Variants in TMEM225B observed in about 807,000 individuals in gnomAD.
The protein encoded by TMEM225B is transmembrane protein 225B.
A neutral mutation model predicts 16.9 loss-of-function variants in TMEM225B; 10 were observed. The ratio of observed to expected loss-of-function variants is 0.59; its 90% CI spans 0.36 to 1.00. The LOEUF (loss-of-function observed/expected upper bound fraction) is 1.00, where lower values mean the gene tolerates loss of function less well. Among genes scored for constraint, TMEM225B ranks in the 50% least tolerant of loss-of-function variants. The pLI is 0.01. For synonymous variants in TMEM225B, 92 were observed against 109.8 expected (o/e 0.84, Z 1.01); for missense variants, 217 against 267.0 (o/e 0.81, Z 1.30).
At chr7:99,608,947 A>C (rs1806100329) in intron 5 of TMEM225B, among the ~76,000 whole-genome samples, 1 of 151,518 alleles carries the variant, frequency 6.6e-6, no homozygotes, top group Admixed American at 6.6e-5. Flanking sequence ...CAGGTGGACC[A>C]CCTGAGGTTA....
At position 99,604,251 on chromosome 7, in the gene TMEM225B, A is replaced by T. The variant is rs1805602922; in HGVS notation, c.-3-135A>T. The stretch of plus-strand genomic sequence containing the variant: ...TATAGGCTGTAAAGTTAAGCAAAGA[A>T]ATCATCATTTACTGAGTTTCACATA... On this transcript the variant is annotated intron_variant, in intron 2 of 5. Coordinates refer to ENST00000431679, the MANE Select transcript of TMEM225B (RefSeq NM_001195541.3). The T allele has an allele frequency of 4.2e-5, 27 of 638,868 alleles. 1 individual carries two copies. In the South Asian group the frequency reaches 5.1e-4, roughly 12 times the overall value. 39.6% of individuals were successfully genotyped at this position (638,868 alleles called of 1,614,324 possible). A position where few individuals can be genotyped will look rare whatever the true frequency, so the allele number is the denominator to read the frequency against.
At chr7:99,604,270 T>C in intron 2 of TMEM225B, 116 bp from the exon 3 acceptor site, 1 of 675,090 alleles carries the variant, frequency 1.5e-6, no homozygotes, top group Admixed American at 2.5e-5. Context: ...TTACTGAGTT[T>C]CACATATGCG....
chr7:99,604,474 T>C lies in TMEM225B; in HGVS notation c.86T>C (p.Leu29Pro). 5.2e-6 allele frequency: 8 copies of C among 1,536,002 alleles called. No homozygotes were observed. Among genetic ancestry groups the C allele is most frequent in the Non-Finnish European group, 7.0e-6 (8 of 1,146,778 alleles). Residue 29 changes from leucine to proline, a missense_variant, in exon 3 of 6, where the codon CTG becomes CCG. By Grantham distance (98) the Leu-to-Pro change is moderately conservative. Transcript: ENST00000431679. ...ALTSLGYLII[L>P]VVSIFPFWVR... is the part of the protein sequence containing the mutation. ...ACCTCCCTAGGCTACCTGATTATAC[T>C]GGTGGTCTCCATCTTTCCCTTCTGG...
At chr7:99,605,579 C>A (rs1043965523) in intron 3 of TMEM225B, 1 of 151,864 alleles carries the variant, frequency 6.6e-6, no homozygotes, top group Non-Finnish European at 1.5e-5. Context: ...CAGGTGCGCA[C>A]CACAGCTCCC....
intron 3 of TMEM225B, among the ~76,000 whole-genome samples, chr7:99,606,302 C>T (rs2151211001): frequency 6.6e-6 from 1 of 152,130 alleles, no homozygotes; most frequent in Non-Finnish European, 1.5e-5. Context: ...TTCTACAAAA[C>T]ATAAAAATAA....
chr7:99,599,125 ATTTTT>A (rs769617190), intron 1 of TMEM225B, among the ~76,000 whole-genome samples: 2 of 115,498 alleles, frequency 1.7e-5, no homozygotes, highest in African/African-American at 7.2e-5. Flanking sequence ...CGCCTGGCTA[ATTTTT>A]TTTTTTTTTT....
At chr7:99,599,125 ATTTTTTTTTTT>A (rs769617190) in intron 1 of TMEM225B, among the ~76,000 whole-genome samples, 101 of 115,498 alleles carry the variant, frequency 8.7e-4, no homozygotes, top group African/African-American at 3.4e-3. Context: ...CGCCTGGCTA[ATTTTTTTTTTT>A]TTTTTTTTTT....
rs1056693023 is a variant in TMEM225B, at chr7:99,610,626, G to A, written c.*61G>A. On this transcript the variant is annotated 3_prime_UTR_variant, in exon 6 of 6. Coordinates refer to ENST00000431679, the MANE Select transcript of TMEM225B (RefSeq NM_001195541.3). ...TGTGAGTGTACACATGTAGCTGTTT[G>A]TAGTCCTCCCCACCCTCTCTGCCAG... The A allele has an allele frequency of 2.1e-6, 3 of 1,458,680 alleles. No homozygotes were observed. Among genetic ancestry groups the A allele is most frequent in the Non-Finnish European group, 2.8e-6 (3 of 1,081,744 alleles). 90.4% of individuals were successfully genotyped at this position (1,458,680 alleles called of 1,614,324 possible).
chr7:99,607,570 C>A, intron 4 of TMEM225B, 103 bp from the exon 5 acceptor site: 1 of 1,182,648 alleles, frequency 8.5e-7, no homozygotes, highest in Non-Finnish European at 1.2e-6. Flanking sequence ...AGAGAGGGGG[C>A]AAGGATGAAG....
rs536627768 is a variant in TMEM225B at position 99,608,858 on chromosome 7, T to TATATATATATATATAC, written c.493+1049_493+1050insTATATATATATATACA. Among the ~76,000 whole-genome samples, 617 of 144,396 alleles carry TATATATATATATATAC rather than the reference T, an allele frequency of 4.3e-3. 11 individuals are homozygous for TATATATATATATATAC. The highest frequency in any genetic ancestry group is 0.016 in the African/African-American group (569 of 35,624). 94.7% of individuals were successfully genotyped at this position (144,396 alleles called of 152,430 possible). ...GTGCACGTATATATATATATATATA[T>TATATATATATATATAC]ACACACACACATATATGTGTATATA... is the stretch of plus-strand genomic sequence containing the variant. On this transcript the variant is annotated intron_variant, in intron 5 of 5. Transcript: ENST00000431679.
At chr7:99,608,928 A>G (rs1806097986) in intron 5 of TMEM225B, among the ~76,000 whole-genome samples, 2 of 151,022 alleles carry the variant, frequency 1.3e-5, no homozygotes, top group Admixed American at 1.3e-4. Context: ...GCACTTCGGG[A>G]GGCCAAGGCA....
rs1224774353 is a variant in TMEM225B at position 99,606,952 on chromosome 7, A to C, written c.355+58A>C. On this transcript the variant is annotated intron_variant, in intron 4 of 5. Coordinates refer to ENST00000431679, the MANE Select transcript of TMEM225B (RefSeq NM_001195541.3). Reference sequence around the variant, plus strand: ...CTAGGGCCTGGGGAGGAGTCCAGAGAAAGAGGGGTGCTCAGTCTCTGTGAT... The same window carrying C: ...CTAGGGCCTGGGGAGGAGTCCAGAGCAAGAGGGGTGCTCAGTCTCTGTGAT... The C allele has an allele frequency of 7.9e-6, 12 of 1,518,594 alleles. No homozygotes were observed. In the Admixed American group the frequency reaches 2.4e-4, roughly 30 times the overall value. The allele number at this position is 1,518,594 out of a possible 1,614,324, so 94.1% of individuals were successfully genotyped here. A position where few individuals can be genotyped will look rare whatever the true frequency, so the allele number is the denominator to read the frequency against.
At chr7:99,609,568 T>G (rs1806161766) in intron 5 of TMEM225B, among the ~76,000 whole-genome samples, 1 of 151,408 alleles carries the variant, frequency 6.6e-6, no homozygotes, top group Non-Finnish European at 1.5e-5. Context: ...CCCAAGTAGC[T>G]GGGACTACAG....
At chr7:99,603,398 T>C (rs114021844) in intron 2 of TMEM225B, among the ~76,000 whole-genome samples, 1,626 of 152,200 alleles carry the variant, frequency 0.011, 20 homozygotes, top group African/African-American at 0.037. Context: ...GTTGATAGAA[T>C]TGAAAGCTTA....
intron 3 of TMEM225B, among the ~76,000 whole-genome samples, chr7:99,604,896 G>A (rs1030717931): frequency 2.0e-5 from 3 of 152,112 alleles, no homozygotes; most frequent in Admixed American, 2.0e-4. Flanking sequence ...AAAAGGCTGA[G>A]GTTGGAGGGC....
rs141137992 is a variant in TMEM225B, at chr7:99,604,198, A to AT, written c.-3-178dup. Among the ~76,000 whole-genome samples, 1,694 of 149,382 alleles carry AT rather than the reference A, an allele frequency of 0.011. 109 individuals carry two copies. The South Asian group carries it at 0.18, about 16-fold the overall frequency. On this transcript the variant is annotated intron_variant, in intron 2 of 5. Transcript: ENST00000431679. Reference sequence around the variant, plus strand: ...TTTAGCGACAGAAAGCATTTTATGCATTTTTTTTTTGGTCTGCTGCAGAGG... The same window carrying AT: ...TTTAGCGACAGAAAGCATTTTATGCATTTTTTTTTTTGGTCTGCTGCAGAGG...
intron 5 of TMEM225B, 38 bp downstream of exon 5, chr7:99,607,848 C>G (rs887867807): frequency 6.5e-7 from 1 of 1,528,078 alleles, no homozygotes; most frequent in Non-Finnish European, 8.8e-7. Context: ...TTCTTGTCCT[C>G]GGTCTGGATT....
At chr7:99,609,951 G>C (rs573804970) in intron 5 of TMEM225B, among the ~76,000 whole-genome samples, 44 of 152,116 alleles carry the variant, frequency 2.9e-4, no homozygotes, top group African/African-American at 1.1e-3. Flanking sequence ...CGCCCATGAT[G>C]AGTCTCGAAC....
intron 2 of TMEM225B, among the ~76,000 whole-genome samples, chr7:99,603,337 A>G (rs1805513082): frequency 6.6e-6 from 1 of 152,226 alleles, no homozygotes; most frequent in South Asian, 2.1e-4. Flanking sequence ...AAAGGAAGAC[A>G]GTTGACTGCA....
Sources: allele counts gnomAD v4.1 joint callset (sites outside exome capture counted in the v4.1 genomes callset), GRCh38; gene constraint gnomAD v4.1.1; transcripts MANE v1.5; gene names NCBI Gene and HGNC (gene_info 2026-07-23, HGNC 2026-07-21).